Variants in TOP2B observed in about 807,000 individuals in gnomAD.
TOP2B encodes the protein DNA topoisomerase II beta, also known as DNA topoisomerase 2-beta.
TOP2B carries 51 observed loss-of-function variants against 193.5 expected under a neutral mutation model. The ratio of observed to expected loss-of-function variants is 0.26; its 90% CI spans 0.21 to 0.33. The LOEUF is 0.33. Among genes scored for constraint, TOP2B ranks in the 10% least tolerant of loss-of-function variants. The pLI is 1.00. For missense variants in TOP2B, 1,378 were observed against 1,909.3 expected (o/e 0.72, Z 5.19); for synonymous variants, 634 against 635.7 (o/e 1.00, Z 0.04).
At chr3:25,604,278 A>G (rs184597616) in intron 33 of TOP2B, among the ~76,000 whole-genome samples, 2 of 152,310 alleles carry the variant, frequency 1.3e-5, no homozygotes, top group East Asian at 1.9e-4. Context: ...CACGGTACAT[A>G]TATCTTGGTA....
At chr3:25,663,990 C>A (rs574638094) in intron 1 of TOP2B, among the ~76,000 whole-genome samples, 17 of 152,084 alleles carry the variant, frequency 1.1e-4, no homozygotes, top group African/African-American at 3.9e-4. Flanking sequence ...TTTTGTCCCC[C>A]CAAAGTTTCA....
chr3:25,657,871 C>T (rs1390608853), intron 1 of TOP2B, among the ~76,000 whole-genome samples: 1 of 104,044 alleles, frequency 9.6e-6, no homozygotes, highest in Non-Finnish European at 1.8e-5. Context: ...ACCATCCCGG[C>T]TAAAACGGTG....
chr3:25,620,156 T>C (rs1702621177), intron 22 of TOP2B, 94 bp from the exon 23 acceptor site: 3 of 829,800 alleles, frequency 3.6e-6, no homozygotes, highest in Non-Finnish European at 3.7e-6. Flanking sequence ...TCAACTCTCA[T>C]GGGGAATTAA....
chr3:25,637,946 T>C (rs571275873), intron 5 of TOP2B, among the ~76,000 whole-genome samples: 82 of 152,052 alleles, frequency 5.4e-4, no homozygotes, highest in African/African-American at 2.0e-3. Context: ...CAAGTTAAAC[T>C]TCCAGCAGTT....
intron 21 of TOP2B, among the ~76,000 whole-genome samples, chr3:25,621,685 T>C (rs897652470): frequency 2.6e-5 from 4 of 151,962 alleles, no homozygotes; most frequent in African/African-American, 9.7e-5. Context: ...TTCGTTATTA[T>C]CATTAAGAAA....
rs753576809 is a variant in TOP2B, at chr3:25,643,800, CA to C, written c.241-17del. On this transcript the variant is annotated splice_polypyrimidine_tract_variant and intron_variant, in intron 2 of 35. Transcript: ENST00000264331. ...CCCACATGAACTGCATTGAAAAATTCAAAAAAAATTTTACTCAATAAATCCT... is the reference window on the plus strand; with the variant it reads ...CCCACATGAACTGCATTGAAAAATTCAAAAAAATTTTACTCAATAAATCCT... The C allele has an allele frequency of 1.7e-5, 27 of 1,597,050 alleles. No homozygotes were observed. The highest frequency in any genetic ancestry group is 5.1e-5 in the Admixed American group (3 of 58,576).
In TOP2B at chr3:25,658,764, C is replaced by T. The variant is rs555282279; in HGVS notation, c.69+5465G>A. Among the ~76,000 whole-genome samples the T allele has an allele frequency of 3.7e-3, 569 of 152,268 alleles. 6 individuals carry two copies. Among genetic ancestry groups the T allele is most frequent in the Non-Finnish European group, 2.5e-3 (172 of 68,030 alleles). ...GATTTGATCTTTTTCAAGAACATTT[C>T]TCAGTCTTCAGAAGAAAATGGAAAA... On this transcript the variant is annotated intron_variant, in intron 1 of 35. Transcript: ENST00000264331.
Position 25,624,714 on chromosome 3 carries a change from C to T in TOP2B, c.2314G>A (p.Val772Ile). 2 of 1,613,846 alleles carry T rather than the reference C, an allele frequency of 1.2e-6. No individual in the cohort carries two copies. Among genetic ancestry groups the T allele is most frequent in the Non-Finnish European group, 1.7e-6 (2 of 1,179,796 alleles). The change falls in exon 19 of 36, where the codon GTT (valine) becomes ATT (isoleucine). Residue 772 changes from valine (V) to isoleucine (I), a missense_variant. Physicochemically the swap from Val to Ile is conservative, Grantham distance 29. Around this residue, in one of 9 missense-constraint regions of TOP2B, gnomAD observed 379 missense variants for 615.1 expected, o/e 0.62. Transcript: ENST00000264331. ...EVKVAQLAGS[V>I]AEMSAYHHGE... ...TGATGATAAGCCGACATCTCAGCAA[C>T]AGAGCCAGCCAACTGGGCAACTTTT...
chr3:25,615,100 T>A, intron 27 of TOP2B, 105 bp downstream of exon 27: 2 of 933,786 alleles, frequency 2.1e-6, no homozygotes, highest in Non-Finnish European at 3.1e-6. Context: ...ATAAACATAT[T>A]AACCTTCACA....
intron 1 of TOP2B, among the ~76,000 whole-genome samples, chr3:25,653,761 A>C (rs1345500276): frequency 6.6e-6 from 1 of 152,216 alleles, no homozygotes; most frequent in African/African-American, 2.4e-5. Context: ...ACACACAATA[A>C]GCAAATGGGA....
At chr3:25,600,887 A>T (rs1286182314) in intron 34 of TOP2B, among the ~76,000 whole-genome samples, 1 of 152,112 alleles carries the variant, frequency 6.6e-6, no homozygotes. Flanking sequence ...TTGAGCCTCA[A>T]TTTTTTAATT....
Position 25,601,036 on chromosome 3 carries a change from T to C in TOP2B, c.4615+64A>G. 7 of 1,541,544 alleles carry C rather than the reference T, an allele frequency of 4.5e-6. No homozygotes were observed. The South Asian group carries it at 7.4e-5, about 16-fold the overall frequency. ...CCTAGCCTCTCTAAATTCAATGAGGTAGAAAAAATTCAATCTTTTCCACAC... is the reference window on the plus strand; with the variant it reads ...CCTAGCCTCTCTAAATTCAATGAGGCAGAAAAAATTCAATCTTTTCCACAC... On this transcript the variant is annotated intron_variant, in intron 34 of 35. Transcript: ENST00000264331.
chr3:25,642,741 C>G (rs1349694908), intron 3 of TOP2B, among the ~76,000 whole-genome samples: 1 of 152,096 alleles, frequency 6.6e-6, no homozygotes, highest in Non-Finnish European at 1.5e-5. Flanking sequence ...TGGTAACAAG[C>G]AATTGCATTC....
Position 25,627,080 on chromosome 3 carries a change from G to A in TOP2B, c.2016+107C>T, listed in dbSNP as rs1050110174. 3.6e-6 allele frequency: 3 copies of A among 841,358 alleles called. No individual in the cohort carries two copies. In the African/African-American group the frequency reaches 5.1e-5, roughly 14 times the overall value. The allele number at this position is 841,358 out of a possible 1,614,324, so 52.1% of individuals were successfully genotyped here. ...CTGGGGGAAAAATTAAAATTAACTA[G>A]CTTGAGCATTCAAAAGAGACTTATC... On this transcript the variant is annotated intron_variant, in intron 16 of 35. Transcript: ENST00000264331.
At chr3:25,613,698 A>C (rs1702437039) in intron 27 of TOP2B, among the ~76,000 whole-genome samples, 1 of 151,988 alleles carries the variant, frequency 6.6e-6, no homozygotes, top group Admixed American at 6.6e-5. Context: ...ACTGCACTCC[A>C]GCCTGGGTGA....
chr3:25,616,724 T>A (rs1323291238), intron 25 of TOP2B, among the ~76,000 whole-genome samples: 1 of 151,896 alleles, frequency 6.6e-6, no homozygotes, highest in African/African-American at 2.4e-5. Flanking sequence ...TATAAAAATA[T>A]CACTAGGATA....
At chr3:25,604,904 A>G in intron 32 of TOP2B, 34 bp from the exon 33 acceptor site, 1 of 1,503,620 alleles carries the variant, frequency 6.7e-7, no homozygotes, top group Non-Finnish European at 9.2e-7. Flanking sequence ...TAGTAAAGAG[A>G]TGTTATAAAG....
chr3:25,658,998 G>A (rs1703831334), intron 1 of TOP2B, among the ~76,000 whole-genome samples: 1 of 152,160 alleles, frequency 6.6e-6, no homozygotes, highest in African/African-American at 2.4e-5. Flanking sequence ...AAAGAACTGA[G>A]CCACTCATTC....
At chr3:25,648,807 A>G (rs1364481816) in intron 1 of TOP2B, among the ~76,000 whole-genome samples, 1 of 152,346 alleles carries the variant, frequency 6.6e-6, no homozygotes, top group East Asian at 1.9e-4. Flanking sequence ...GGCTGCAGTG[A>G]GCCATCTGCA....
Sources: gnomAD v4.1 joint callset for allele counts (sites outside exome capture counted in the v4.1 genomes callset) on GRCh38, gnomAD v4.1.1 for gene constraint, gnomAD v4.1.1 regional missense constraint, MANE v1.5 for transcripts, NCBI Gene and HGNC (gene_info 2026-07-23, HGNC 2026-07-21) for gene names.